TACR1: variants seen among roughly 807,000 people sequenced by gnomAD.
TACR1 encodes substance-P receptor.
A neutral mutation model predicts 35.8 loss-of-function variants in TACR1; 25 were observed. That is an observed-to-expected ratio of 0.70 (90% CI 0.51 to 0.98). TACR1 has a LOEUF of 0.98. TACR1 is among the 50% of genes least tolerant of loss of function. The pLI is 0.00. For synonymous variants in TACR1, 195 were observed against 206.7 expected, an observed-to-expected ratio of 0.94 and a Z score of 0.48; for missense variants, 478 against 522.9, an observed-to-expected ratio of 0.91 and a Z score of 0.84.
chr2:75,115,012 G>T (rs1673821957), intron 2 of TACR1, among the ~76,000 whole-genome samples: 1 of 151,894 alleles, frequency 6.6e-6, no homozygotes, highest in African/African-American at 2.4e-5. Context: ...GAAGCTGGTG[G>T]TTTATCTTAC....
intron 4 of TACR1, among the ~76,000 whole-genome samples, chr2:75,050,760 A>G (rs1292482747): frequency 6.6e-6 from 1 of 152,208 alleles, no homozygotes. Context: ...AAAGCTGCTC[A>G]GATCGTAAGA....
At chr2:75,110,821 G>A (rs1390212244) in intron 2 of TACR1, among the ~76,000 whole-genome samples, 2 of 151,862 alleles carry the variant, frequency 1.3e-5, no homozygotes, top group Non-Finnish European at 2.9e-5. Flanking sequence ...CATAATTGCT[G>A]TTAAGACTTT....
intron 1 of TACR1, among the ~76,000 whole-genome samples, chr2:75,133,834 C>T (rs751928662): frequency 2.0e-5 from 3 of 152,170 alleles, no homozygotes; most frequent in Non-Finnish European, 4.4e-5. Context: ...TTCTAAATCA[C>T]AGGGTGACAT....
At chr2:75,102,989 A>G (rs1179896465) in intron 2 of TACR1, among the ~76,000 whole-genome samples, 6 of 152,188 alleles carry the variant, frequency 3.9e-5, no homozygotes, top group Non-Finnish European at 7.4e-5. Context: ...GCAGATCTCT[A>G]TTACTTGTTC....
intron 2 of TACR1, 65 bp downstream of exon 2, chr2:75,120,509 A>C: frequency 7.0e-7 from 1 of 1,427,918 alleles, no homozygotes; most frequent in Non-Finnish European, 9.5e-7. Flanking sequence ...AAGAAAGAGC[A>C]AGAAGGGGCC....
chr2:75,106,266 GA>G (rs961331841), intron 2 of TACR1, among the ~76,000 whole-genome samples: 2 of 151,962 alleles, frequency 1.3e-5, no homozygotes, highest in South Asian at 2.1e-4. Context: ...TTATTAAAGA[GA>G]GGGGCATTGT....
intron 1 of TACR1, among the ~76,000 whole-genome samples, chr2:75,141,750 T>C (rs908603768): frequency 6.6e-6 from 1 of 152,192 alleles, no homozygotes; most frequent in African/African-American, 2.4e-5. Flanking sequence ...GCTCAAAATG[T>C]GTTACAGAAA....
At chr2:75,108,014 A>G (rs1285352030) in intron 2 of TACR1, among the ~76,000 whole-genome samples, 1 of 152,072 alleles carries the variant, frequency 6.6e-6, no homozygotes, top group African/African-American at 2.4e-5. Context: ...TCTTAAAAAT[A>G]TAAATTAACA....
chr2:75,151,267 C>A (rs1002349035), intron 1 of TACR1, among the ~76,000 whole-genome samples: 2 of 152,216 alleles, frequency 1.3e-5, no homozygotes, highest in African/African-American at 4.8e-5. Context: ...GTCTCCAGGT[C>A]ATGTCAGAGA....
At chr2:75,082,254 C>T (rs1012612089) in intron 2 of TACR1, among the ~76,000 whole-genome samples, 2 of 152,146 alleles carry the variant, frequency 1.3e-5, no homozygotes, top group African/African-American at 4.8e-5. Flanking sequence ...ATGAACTCAT[C>T]CTTTTTTATG....
chr2:75,083,943 G>A (rs546968888), intron 2 of TACR1, among the ~76,000 whole-genome samples: 1 of 151,844 alleles, frequency 6.6e-6, no homozygotes, highest in African/African-American at 2.4e-5. Flanking sequence ...GATTGCCCTG[G>A]CCAGAACTTC....
At chr2:75,076,451 A>G (rs1672982197) in intron 2 of TACR1, among the ~76,000 whole-genome samples, 1 of 152,198 alleles carries the variant, frequency 6.6e-6, no homozygotes. Context: ...TCTTGGAGCT[A>G]CATGTTTGGT....
At chr2:75,162,609 T>C (rs927931818) in intron 1 of TACR1, among the ~76,000 whole-genome samples, 2 of 152,254 alleles carry the variant, frequency 1.3e-5, no homozygotes, top group African/African-American at 4.8e-5. Flanking sequence ...ATCTCAGACA[T>C]ACTTAATTAT....
At chr2:75,192,935 G>A (rs1675884152) in intron 1 of TACR1, among the ~76,000 whole-genome samples, 1 of 152,112 alleles carries the variant, frequency 6.6e-6, no homozygotes, top group African/African-American at 2.4e-5. Context: ...TCCCAATCCA[G>A]TGTTCTTGAA....
intron 2 of TACR1, among the ~76,000 whole-genome samples, chr2:75,062,258 T>C (rs1672686341): frequency 6.6e-6 from 1 of 152,084 alleles, no homozygotes; most frequent in Non-Finnish European, 1.5e-5. Flanking sequence ...TACTATATAC[T>C]CATCGTCGAT....
rs533263638 is a variant in TACR1 at position 75,127,141 on chromosome 2, T to G, written c.390-6373A>C. 1.1e-4 allele frequency among the ~76,000 whole-genome samples: 17 copies of G among 152,326 alleles called. No homozygotes were observed. The East Asian group carries it at 3.1e-3, about 28-fold the overall frequency. Reference sequence around the variant, plus strand: ...TTCTCCTTCCATCCTCCCTCCGTTTTAGGGAGCACACAGTCTTTTTACCTG... The same window carrying G: ...TTCTCCTTCCATCCTCCCTCCGTTTGAGGGAGCACACAGTCTTTTTACCTG... On this transcript the variant is annotated intron_variant, in intron 1 of 4. Coordinates refer to ENST00000305249, the MANE Select transcript of TACR1 (RefSeq NM_001058.4).
At chr2:75,125,664 A>G (rs73935543) in intron 1 of TACR1, among the ~76,000 whole-genome samples, 5,692 of 152,260 alleles carry the variant, frequency 0.037, 360 homozygotes, top group African/African-American at 0.13. Context: ...AAAAGGAGAA[A>G]AACATACATG....
At chr2:75,127,323 C>G (rs1259305445) in intron 1 of TACR1, among the ~76,000 whole-genome samples, 2 of 152,142 alleles carry the variant, frequency 1.3e-5, no homozygotes, top group Admixed American at 6.5e-5. Context: ...CCTTTAGCAG[C>G]CTGCAGAGAT....
At chr2:75,198,496 C>T (rs780826316) in intron 1 of TACR1, 50 bp downstream of exon 1, 1 of 1,589,102 alleles carries the variant, frequency 6.3e-7, no homozygotes, top group Non-Finnish European at 8.6e-7. Context: ...ACAGCAATGC[C>T]GTGGTCCTCT....
Sources: gnomAD v4.1 joint callset for allele counts (sites outside exome capture counted in the v4.1 genomes callset) on GRCh38, gnomAD v4.1.1 for gene constraint, MANE v1.5 for transcripts, NCBI Gene and HGNC (gene_info 2026-07-23, HGNC 2026-07-21) for gene names.